IFITM1: variants seen among roughly 807,000 people sequenced by gnomAD.
IFITM1 encodes the protein interferon-induced transmembrane protein 1.
Under a neutral mutation model 4.0 loss-of-function variants are expected in IFITM1, and 1 was observed. That is an observed-to-expected ratio of 0.25 (90% CI 0.09 to 1.18). IFITM1 has a LOEUF of 1.18. Ranked by LOEUF, IFITM1 falls within the 50% of genes most tolerant of loss-of-function variation. The pLI, the probability that IFITM1 is intolerant of heterozygous loss-of-function variation, is 0.50. For synonymous variants in IFITM1, 79 were observed against 69.7 expected (o/e 1.13, Z -0.67); for missense variants, 131 against 163.2 (o/e 0.80, Z 1.08).
Position 314,818 on chromosome 11 carries a change from G to A in IFITM1, c.187-104G>A. The A allele has an allele frequency of 6.5e-7, 1 of 1,537,128 alleles. No individual in the cohort carries two copies. Reference sequence around the variant, plus strand: ...GGAGAGTCTGAGCCCGGGTGAGGAAGGGGAGGAGGTGGTCCCTGATCTCAG... The same window carrying A: ...GGAGAGTCTGAGCCCGGGTGAGGAAAGGGAGGAGGTGGTCCCTGATCTCAG... On this transcript the variant is annotated intron_variant, in intron 1 of 1. Transcript: ENST00000408968. The surrounding 1 kb of genome is among the most constrained non-coding windows in gnomAD (Gnocchi z 4.5).
Position 314,808 on chromosome 11 carries a change from G to C in IFITM1, c.187-114G>C, listed in dbSNP as rs1410397370. On this transcript the variant is annotated intron_variant, in intron 1 of 1. Transcript: ENST00000408968. This position sits in a 1 kb window ranked among gnomAD's most constrained non-coding sequence, Gnocchi z 4.5. Reference sequence around the variant, plus strand: ...CGAGGCTCCTGGAGAGTCTGAGCCCGGGTGAGGAAGGGGAGGAGGTGGTCC... The same window carrying C: ...CGAGGCTCCTGGAGAGTCTGAGCCCCGGTGAGGAAGGGGAGGAGGTGGTCC... 1.3e-6 allele frequency: 2 copies of C among 1,487,676 alleles called. No individual in the cohort carries two copies. The highest frequency in any genetic ancestry group is 1.9e-5 in the Admixed American group (1 of 52,320). 92.2% of individuals were successfully genotyped at this position (1,487,676 alleles called of 1,614,324 possible). A position where few individuals can be genotyped will look rare whatever the true frequency, so the allele number is the denominator to read the frequency against.
rs75192019 is a variant in IFITM1 at position 315,005 on chromosome 11, G to A, written c.270G>A (p.Leu90=). The A allele has an allele frequency of 3.0e-5, 49 of 1,614,092 alleles. No individual in the cohort carries two copies. The East Asian group carries it at 1.1e-3, about 35-fold the overall frequency. The change falls in exon 2 of 2, where the codon CTG becomes CTA. Residue 90 remains leucine, a synonymous_variant. Transcript: ENST00000408968. ...CCAAGTGCCTGAACATCTGGGCCCT[G>A]ATTCTGGGCATCCTCATGACCATTG... ...STAKCLNIWA[L]ILGILMTIGF...
In IFITM1 at chr11:315,168, C is replaced by A; in HGVS notation, c.*55C>A. The A allele has an allele frequency of 1.3e-6, 2 of 1,568,040 alleles. No individual in the cohort carries two copies. Among genetic ancestry groups the A allele is most frequent in the South Asian group, 1.1e-5 (1 of 88,056 alleles). On this transcript the variant is annotated 3_prime_UTR_variant, in exon 2 of 2. Transcript: ENST00000408968. ...TCCACTGTGCAATGCTGGCCCTGCA[C>A]GCTGGGGCTGTTGCCCCTGCCCCCT... is the stretch of plus-strand genomic sequence containing the variant.
Position 314,129 on chromosome 11 carries a change from T to G in IFITM1, c.-42T>G. 1 of 1,597,240 alleles carries G rather than the reference T, an allele frequency of 6.3e-7. No homozygotes were observed. On this transcript the variant is annotated 5_prime_UTR_variant, in exon 1 of 2. Transcript: ENST00000408968. The surrounding 1 kb of genome is among the most constrained non-coding windows in gnomAD (Gnocchi z 4.5). ...TTCGCTCCACGCAGAAAACCACACT[T>G]CTCAAACCTTCACTCAACACTTCCT... is the stretch of plus-strand genomic sequence containing the variant.
Position 315,213 on chromosome 11 carries a change from A to G in IFITM1, c.*100A>G. On this transcript the variant is annotated 3_prime_UTR_variant, in exon 2 of 2. Transcript: ENST00000408968. ...CCCCCTTGGTCCTGCCCCTAGATAC[A>G]GCAGTTTATACCCACACACCTGTCT... 1.8e-6 allele frequency: 2 copies of G among 1,106,736 alleles called. No individual in the cohort carries two copies. The highest frequency in any genetic ancestry group is 1.9e-5 in the Admixed American group (1 of 51,344). The allele number at this position is 1,106,736 out of a possible 1,614,324, so 68.6% of individuals were successfully genotyped here.
At position 315,096 on chromosome 11, in the gene IFITM1, G is replaced by A. The variant is rs770237696; in HGVS notation, c.361G>A (p.Glu121Lys). The change falls in exon 2 of 2, where the codon GAA becomes AAA. Residue 121 changes from glutamate (E) to lysine (K), a missense_variant. By Grantham distance (56) the Glu-to-Lys change is moderately conservative. This residue lies in a region of IFITM1 where 35 missense variants were observed against 30.1 expected (regional missense o/e 1.16). Transcript: ENST00000408968. ...VYHIMLQIIQ[E>K]KRGY ...CCATATTATGTTACAGATAATACAG[G>A]AAAAACGGGGTTACTAGTAGCCGCC... The A allele has an allele frequency of 3.1e-6, 5 of 1,613,976 alleles. No individual in the cohort carries two copies. The highest frequency in any genetic ancestry group is 3.4e-6 in the Non-Finnish European group (4 of 1,179,976).
In IFITM1 at chr11:314,459, G is replaced by A. The variant is rs1218853008; in HGVS notation, c.186+103G>A. The stretch of plus-strand genomic sequence containing the variant: ...GGGACTTGTGTGTCCCTGTGACTGT[G>A]AGTTTGTGTGCACCTCTGCCCCGTG... On this transcript the variant is annotated intron_variant, in intron 1 of 1. Coordinates refer to ENST00000408968, the MANE Select transcript of IFITM1 (RefSeq NM_003641.5). This position sits in a 1 kb window ranked among gnomAD's most constrained non-coding sequence, Gnocchi z 4.5. 28 of 1,301,090 alleles carry A rather than the reference G, an allele frequency of 2.2e-5. 3 individuals are homozygous for A. Among genetic ancestry groups the A allele is most frequent in the Non-Finnish European group, 2.9e-5 (26 of 903,830 alleles). 80.6% of individuals were successfully genotyped at this position (1,301,090 alleles called of 1,614,324 possible).
chr11:315,257 G>C lies in IFITM1; in HGVS notation c.*144G>C, dbSNP rs544220122. Reference sequence around the variant, plus strand: ...CCTGTCTACAGTGTCATTCAATAAAGTGCACGTGCTTGTGATGATGCTGTG... The same window carrying C: ...CCTGTCTACAGTGTCATTCAATAAACTGCACGTGCTTGTGATGATGCTGTG... On this transcript the variant is annotated 3_prime_UTR_variant, in exon 2 of 2. Transcript: ENST00000408968. 252 of 766,658 alleles carry C rather than the reference G, an allele frequency of 3.3e-4. No individual in the cohort carries two copies. Among genetic ancestry groups the C allele is most frequent in the Non-Finnish European group, 4.9e-4 (231 of 470,806 alleles). The allele number at this position is 766,658 out of a possible 1,614,324, so 47.5% of individuals were successfully genotyped here. A position where few individuals can be genotyped will look rare whatever the true frequency, so the allele number is the denominator to read the frequency against.
rs754234309 is a variant in IFITM1 at position 314,911 on chromosome 11, C to T, written c.187-11C>T. Reference sequence around the variant, plus strand: ...GGGATCCTGGTCCCCTCACCATCTCCTCTCCCCCAGTCTAGGGACAGGAAG... The same window carrying T: ...GGGATCCTGGTCCCCTCACCATCTCTTCTCCCCCAGTCTAGGGACAGGAAG... On this transcript the variant is annotated splice_polypyrimidine_tract_variant and intron_variant, in intron 1 of 1. Coordinates refer to ENST00000408968, the MANE Select transcript of IFITM1 (RefSeq NM_003641.5). The surrounding 1 kb of genome is among the most constrained non-coding windows in gnomAD (Gnocchi z 4.5). 3.1e-6 allele frequency: 5 copies of T among 1,611,532 alleles called. No homozygotes were observed. In the South Asian group the frequency reaches 5.5e-5, roughly 18 times the overall value.
chr11:314,048 A>G lies in IFITM1; in HGVS notation c.-123A>G. ...CACACTTCTGAGAAACTGAAACGAC[A>G]GGGGAAAGGAGGTCTCACTGAGCAC... On this transcript the variant is annotated 5_prime_UTR_variant, in exon 1 of 2. Coordinates refer to ENST00000408968, the MANE Select transcript of IFITM1 (RefSeq NM_003641.5). The surrounding 1 kb of genome is among the most constrained non-coding windows in gnomAD (Gnocchi z 4.5). The G allele has an allele frequency of 1.4e-6, 1 of 735,256 alleles. No homozygotes were observed. Among genetic ancestry groups the G allele is most frequent in the Non-Finnish European group, 2.3e-6 (1 of 428,286 alleles). The allele number at this position is 735,256 out of a possible 1,614,324, so 45.5% of individuals were successfully genotyped here.
Position 314,224 on chromosome 11 carries a change from C to A in IFITM1, c.54C>A (p.Ile18=). ...TGCTGGGGCCACCCCCCAGCACCAT[C>A]CTTCCAAGGTCCACCGTGATCAACA... ...VAVLGPPPST[I]LPRSTVINIH... is the part of the protein sequence containing the mutation. The change falls in exon 1 of 2, where the codon ATC becomes ATA. Residue 18 remains isoleucine (I), a synonymous_variant. Transcript: ENST00000408968. This position sits in a 1 kb window ranked among gnomAD's most constrained non-coding sequence, Gnocchi z 4.5. The A allele has an allele frequency of 6.2e-7, 1 of 1,613,378 alleles. No homozygotes were observed. Among genetic ancestry groups the A allele is most frequent in the Non-Finnish European group, 8.5e-7 (1 of 1,179,746 alleles).
Position 314,119 on chromosome 11 carries a change from A to G in IFITM1, c.-52A>G, listed in dbSNP as rs747346399. 1.3e-6 allele frequency: 2 copies of G among 1,570,878 alleles called. No homozygotes were observed. Among genetic ancestry groups the G allele is most frequent in the Non-Finnish European group, 1.8e-6 (2 of 1,142,706 alleles). On this transcript the variant is annotated 5_prime_UTR_variant, in exon 1 of 2. Transcript: ENST00000408968. The surrounding 1 kb of genome is among the most constrained non-coding windows in gnomAD (Gnocchi z 4.5). Reference sequence around the variant, plus strand: ...ACAGCGGCCCTTCGCTCCACGCAGAAAACCACACTTCTCAAACCTTCACTC... The same window carrying G: ...ACAGCGGCCCTTCGCTCCACGCAGAGAACCACACTTCTCAAACCTTCACTC...
chr11:314,843 G>C lies in IFITM1; in HGVS notation c.187-79G>C, dbSNP rs889618644. 1 of 1,600,134 alleles carries C rather than the reference G, an allele frequency of 6.2e-7. No individual in the cohort carries two copies. Among genetic ancestry groups the C allele is most frequent in the African/African-American group, 1.3e-5 (1 of 74,568 alleles). ...GGGGAGGAGGTGGTCCCTGATCTCA[G>C]GGCGGGGAGGAGACGGAGCCATAGC... On this transcript the variant is annotated intron_variant, in intron 1 of 1. Transcript: ENST00000408968. The surrounding 1 kb of genome is among the most constrained non-coding windows in gnomAD (Gnocchi z 4.5).
At position 314,392 on chromosome 11, in the gene IFITM1, G is replaced by A. The variant is rs375298460; in HGVS notation, c.186+36G>A. On this transcript the variant is annotated intron_variant, in intron 1 of 1. Coordinates refer to ENST00000408968, the MANE Select transcript of IFITM1 (RefSeq NM_003641.5). This position sits in a 1 kb window ranked among gnomAD's most constrained non-coding sequence, Gnocchi z 4.5. The stretch of plus-strand genomic sequence containing the variant: ...CCCTGGCGGAAATCCAGGGGGTGCC[G>A]GTGAGCCTGGGGCTCCACCTGCCCA... 4.9e-4 allele frequency: 795 copies of A among 1,611,472 alleles called. 8 individuals carry two copies. In the South Asian group the frequency reaches 5.6e-3, roughly 11 times the overall value.
In IFITM1 at chr11:314,099, G is replaced by A. The variant is rs973978663; in HGVS notation, c.-72G>A. ...CGTCCCAGCATCCGGACACCACAGCGGCCCTTCGCTCCACGCAGAAAACCA... is the reference window on the plus strand; with the variant it reads ...CGTCCCAGCATCCGGACACCACAGCAGCCCTTCGCTCCACGCAGAAAACCA... On this transcript the variant is annotated 5_prime_UTR_variant, in exon 1 of 2. Transcript: ENST00000408968. The surrounding 1 kb of genome is among the most constrained non-coding windows in gnomAD (Gnocchi z 4.5). 42 of 1,373,682 alleles carry A rather than the reference G, an allele frequency of 3.1e-5. 1 individual carries two copies. The highest frequency in any genetic ancestry group is 1.4e-4 in the African/African-American group (10 of 69,960). 85.1% of individuals were successfully genotyped at this position (1,373,682 alleles called of 1,614,324 possible).
At position 315,128 on chromosome 11, in the gene IFITM1, C is replaced by CTGCA. The variant is rs1218093659; in HGVS notation, c.*16_*19dup. On this transcript the variant is annotated 3_prime_UTR_variant, in exon 2 of 2. Coordinates refer to ENST00000408968, the MANE Select transcript of IFITM1 (RefSeq NM_003641.5). ...GGGGTTACTAGTAGCCGCCCATAGCCTGCAACCTTTGCACTCCACTGTGCA... is the reference window on the plus strand; with the variant it reads ...GGGGTTACTAGTAGCCGCCCATAGCCTGCATGCAACCTTTGCACTCCACTGTGCA... 5 of 1,612,888 alleles carry CTGCA rather than the reference C, an allele frequency of 3.1e-6. No individual in the cohort carries two copies. The highest frequency in any genetic ancestry group is 4.2e-6 in the Non-Finnish European group (5 of 1,179,166).
Position 314,098 on chromosome 11 carries a change from C to T in IFITM1, c.-73C>T, listed in dbSNP as rs1846029893. On this transcript the variant is annotated 5_prime_UTR_variant, in exon 1 of 2. Coordinates refer to ENST00000408968, the MANE Select transcript of IFITM1 (RefSeq NM_003641.5). The surrounding 1 kb of genome is among the most constrained non-coding windows in gnomAD (Gnocchi z 4.5). ...CCGTCCCAGCATCCGGACACCACAG[C>T]GGCCCTTCGCTCCACGCAGAAAACC... is the stretch of plus-strand genomic sequence containing the variant. 8.1e-6 allele frequency: 11 copies of T among 1,361,346 alleles called. No individual in the cohort carries two copies. Among genetic ancestry groups the T allele is most frequent in the East Asian group, 4.6e-5 (2 of 43,366 alleles). The allele number at this position is 1,361,346 out of a possible 1,614,324, so 84.3% of individuals were successfully genotyped here. A position where few individuals can be genotyped will look rare whatever the true frequency, so the allele number is the denominator to read the frequency against.
Position 315,257 on chromosome 11 carries a change from G to A in IFITM1, c.*144G>A. 1 of 766,662 alleles carries A rather than the reference G, an allele frequency of 1.3e-6. No individual in the cohort carries two copies. The highest frequency in any genetic ancestry group is 2.1e-6 in the Non-Finnish European group (1 of 470,810). 47.5% of individuals were successfully genotyped at this position (766,662 alleles called of 1,614,324 possible). The stretch of plus-strand genomic sequence containing the variant: ...CCTGTCTACAGTGTCATTCAATAAA[G>A]TGCACGTGCTTGTGATGATGCTGTG... On this transcript the variant is annotated 3_prime_UTR_variant, in exon 2 of 2. Coordinates refer to ENST00000408968, the MANE Select transcript of IFITM1 (RefSeq NM_003641.5).
In IFITM1 at chr11:314,594, C is replaced by T; in HGVS notation, c.186+238C>T. 1 of 761,388 alleles carries T rather than the reference C, an allele frequency of 1.3e-6. No individual in the cohort carries two copies. Among genetic ancestry groups the T allele is most frequent in the Non-Finnish European group, 2.3e-6 (1 of 432,912 alleles). 47.2% of individuals were successfully genotyped at this position (761,388 alleles called of 1,614,324 possible). A position where few individuals can be genotyped will look rare whatever the true frequency, so the allele number is the denominator to read the frequency against. On this transcript the variant is annotated intron_variant, in intron 1 of 1. Coordinates refer to ENST00000408968, the MANE Select transcript of IFITM1 (RefSeq NM_003641.5). The surrounding 1 kb of genome is among the most constrained non-coding windows in gnomAD (Gnocchi z 4.5). The stretch of plus-strand genomic sequence containing the variant: ...GCTCCAGGAGGCTGGCTGGCTGGCT[C>T]AGAGTCTGTCCCTGGCTATCCATTA...
Sources: gnomAD v4.1 joint callset for allele counts on GRCh38, gnomAD v4.1.1 for gene constraint, gnomAD v4.1.1 regional missense constraint, Gnocchi (gnomAD v3.1) non-coding constraint, MANE v1.5 for transcripts, NCBI Gene and HGNC (gene_info 2026-07-23, HGNC 2026-07-21) for gene names.